The following ANK3 variants were observed in gnomAD, a reference collection of about 807,000 sequenced individuals.
The protein encoded by ANK3 is ankyrin 3.
A neutral mutation model predicts 370.9 loss-of-function variants in ANK3; 57 were observed. The ratio of observed to expected loss-of-function variants is 0.15; its 90% CI spans 0.12 to 0.19. The LOEUF is 0.19. Ranked by LOEUF, ANK3 falls within the 10% of genes least tolerant of loss-of-function variation. The probability of loss-of-function intolerance (pLI) is 1.00; values close to 1 mark genes in which losing one functional copy is unlikely to be tolerated. For missense variants in ANK3, 4,439 were observed against 5,302.1 expected, an observed-to-expected ratio of 0.84 and a Z score of 5.06; for synonymous variants, 1,929 against 1,946.3, an observed-to-expected ratio of 0.99 and a Z score of 0.23.
intron 1 of ANK3, among the ~76,000 whole-genome samples, chr10:60,308,941 T>C (rs984570371): frequency 6.6e-6 from 1 of 152,188 alleles, no homozygotes; most frequent in Non-Finnish European, 1.5e-5. Flanking sequence ...CATAGCTTCC[T>C]ACTCACATTT....
intron 2 of ANK3, among the ~76,000 whole-genome samples, chr10:60,612,363 A>G (rs2078212492): frequency 6.6e-6 from 1 of 152,228 alleles, no homozygotes; most frequent in Non-Finnish European, 1.5e-5. Flanking sequence ...GTTAAAGGCC[A>G]AAAGAGATGC....
chr10:60,720,067 G>A (rs973067), intron 1 of ANK3, among the ~76,000 whole-genome samples: 44,613 of 152,100 alleles, frequency 0.29, 7,104 homozygotes, highest in South Asian at 0.48. Context: ...GAGAGAAGAG[G>A]AGGAAGTTTA....
chr10:60,124,968 A>G (rs2093683969), intron 25 of ANK3, among the ~76,000 whole-genome samples: 1 of 152,216 alleles, frequency 6.6e-6, no homozygotes, highest in Admixed American at 6.5e-5. Context: ...AAGTATTATA[A>G]TTATTGTGAC....
intron 41 of ANK3, 150 bp from the exon 42 acceptor site, chr10:60,056,186 G>C: frequency 9.9e-7 from 1 of 1,014,672 alleles, no homozygotes. Flanking sequence ...GATTTAAAAT[G>C]TAGCTGGGCG....
At chr10:60,162,772 A>C (rs1424336768) in intron 23 of ANK3, among the ~76,000 whole-genome samples, 1 of 152,138 alleles carries the variant, frequency 6.6e-6, no homozygotes, top group African/African-American at 2.4e-5. Flanking sequence ...TTGCCTCACC[A>C]GCTGCTGTCT....
At chr10:60,620,003 C>G (rs1383423422) in intron 1 of ANK3, among the ~76,000 whole-genome samples, 1 of 152,052 alleles carries the variant, frequency 6.6e-6, no homozygotes, top group Non-Finnish European at 1.5e-5. Flanking sequence ...GGTAACAAGC[C>G]AGGATATATG....
chr10:60,567,307 T>G (rs1461419650), intron 2 of ANK3, among the ~76,000 whole-genome samples: 1 of 152,144 alleles, frequency 6.6e-6, no homozygotes, highest in Non-Finnish European at 1.5e-5. Flanking sequence ...AATGCTCACT[T>G]ACCACTCTAA....
In ANK3 at chr10:60,054,204, AG is replaced by A. The variant is rs556325400; in HGVS notation, c.13065+1453del. On this transcript the variant is annotated intron_variant, in intron 42 of 43. Transcript: ENST00000280772. ...AGGCTTTTGCAGAATAAATATTCACAGGAAAAATACCACTATGTTATTGCTT... is the reference window on the plus strand; with the variant it reads ...AGGCTTTTGCAGAATAAATATTCACAGAAAAATACCACTATGTTATTGCTT... 2.6e-5 allele frequency among the ~76,000 whole-genome samples: 4 copies of A among 152,338 alleles called. No individual in the cohort carries two copies. In the South Asian group the frequency reaches 8.3e-4, roughly 32 times the overall value.
At chr10:60,591,657 A>G (rs965162738) in intron 2 of ANK3, among the ~76,000 whole-genome samples, 1 of 152,188 alleles carries the variant, frequency 6.6e-6, no homozygotes, top group Non-Finnish European at 1.5e-5. Context: ...ACAATAGCCA[A>G]GATTTGGAAG....
At chr10:60,431,603 C>T (rs957148414) in intron 2 of ANK3, among the ~76,000 whole-genome samples, 2 of 151,952 alleles carry the variant, frequency 1.3e-5, no homozygotes, top group South Asian at 2.1e-4. Context: ...ACAATGAGAA[C>T]ACGAGGACAC....
Position 60,073,708 on chromosome 10 carries a change from C to T in ANK3, c.7173G>A (p.Gln2391=), listed in dbSNP as rs1215413504. The T allele has an allele frequency of 1.2e-6, 2 of 1,613,908 alleles. No homozygotes were observed. Among genetic ancestry groups the T allele is most frequent in the African/African-American group, 1.3e-5 (1 of 74,912 alleles). Residue 2391 remains glutamine, a synonymous_variant, in exon 37 of 44, where the codon CAG becomes CAA. Transcript: ENST00000280772. ...CAGCAGTAAGTTCTTCTTCTTCTTG[C>T]TGACCCTGTTCCTCTGAACAAGGAA... ...DAFPCSEEQG[Q]QEEEELTAEE... is the part of the protein sequence containing the mutation.
intron 1 of ANK3, among the ~76,000 whole-genome samples, chr10:60,296,563 T>C (rs1221356920): frequency 6.6e-6 from 1 of 152,230 alleles, no homozygotes; most frequent in South Asian, 2.1e-4. Flanking sequence ...TAGAAGGCCA[T>C]GATTATGAGA....
chr10:60,704,845 T>G (rs1589053558), intron 1 of ANK3, among the ~76,000 whole-genome samples: 2 of 152,188 alleles, frequency 1.3e-5, no homozygotes, highest in South Asian at 4.1e-4. Context: ...CCAAGTTAGG[T>G]GCAAACAACT....
chr10:60,552,075 T>C (rs1369497482), intron 2 of ANK3, among the ~76,000 whole-genome samples: 1 of 152,192 alleles, frequency 6.6e-6, no homozygotes, highest in Admixed American at 6.5e-5. Flanking sequence ...CAACCAAGCC[T>C]GCACACATGA....
At chr10:60,556,565 C>T (rs1158687890) in intron 2 of ANK3, among the ~76,000 whole-genome samples, 3 of 152,160 alleles carry the variant, frequency 2.0e-5, no homozygotes, top group Non-Finnish European at 4.4e-5. Context: ...GTGTCACTGT[C>T]TTTATCCACA....
chr10:60,624,053 G>A (rs1405879837), intron 1 of ANK3, among the ~76,000 whole-genome samples: 2 of 152,104 alleles, frequency 1.3e-5, no homozygotes, highest in Admixed American at 6.6e-5. Context: ...GCCTACTTGA[G>A]GGTAGAGGGA....
intron 38 of ANK3, among the ~76,000 whole-genome samples, chr10:60,065,535 A>G (rs1161695521): frequency 6.6e-6 from 1 of 152,194 alleles, no homozygotes; most frequent in Non-Finnish European, 1.5e-5. Context: ...ACATTTAGAA[A>G]TTTACCCTGA....
intron 1 of ANK3, among the ~76,000 whole-genome samples, chr10:60,716,108 A>C (rs2079783662): frequency 6.6e-6 from 1 of 152,188 alleles, no homozygotes; most frequent in African/African-American, 2.4e-5. Context: ...CATGAATATT[A>C]CATGAAAATA....
intron 9 of ANK3, among the ~76,000 whole-genome samples, chr10:60,209,095 A>G (rs2096808920): frequency 6.6e-6 from 1 of 152,228 alleles, no homozygotes; most frequent in Non-Finnish European, 1.5e-5. Context: ...AAGGCAAAAC[A>G]AGCTATGAAG....
Sources: allele counts gnomAD v4.1 joint callset (sites outside exome capture counted in the v4.1 genomes callset), GRCh38; gene constraint gnomAD v4.1.1; transcripts MANE v1.5; gene names NCBI Gene and HGNC (gene_info 2026-07-23, HGNC 2026-07-21).